CHRM3: variants seen among roughly 807,000 people sequenced by gnomAD.
CHRM3 encodes the protein cholinergic receptor muscarinic 3.
In CHRM3, 11 loss-of-function variants were observed where a neutral mutation model predicts 41.8. The ratio of observed to expected loss-of-function variants is 0.26; its 90% CI spans 0.17 to 0.44. CHRM3 has a LOEUF of 0.44. CHRM3 is among the 20% of genes least tolerant of loss of function. The probability of loss-of-function intolerance (pLI) is 1.00; values close to 1 mark genes in which losing one functional copy is unlikely to be tolerated. For missense variants in CHRM3, 571 were observed against 745.4 expected, an observed-to-expected ratio of 0.77 and a Z score of 2.72; for synonymous variants, 297 against 301.4, an observed-to-expected ratio of 0.99 and a Z score of 0.15.
At chr1:239,610,066 G>GACTCA (rs1666825224) in intron 3 of CHRM3, among the ~76,000 whole-genome samples, 1 of 151,528 alleles carries the variant, frequency 6.6e-6, no homozygotes. Context: ...GGTGGCGGGT[G>GACTCA]CCTGTAGTCC....
intron 6 of CHRM3, among the ~76,000 whole-genome samples, chr1:239,870,390 C>G (rs1393407340): frequency 6.6e-6 from 1 of 152,098 alleles, no homozygotes; most frequent in African/African-American, 2.4e-5. Context: ...CTGTGCAGGC[C>G]TTCAATTAAG....
chr1:239,483,122 G>A (rs1666969329), intron 1 of CHRM3, among the ~76,000 whole-genome samples: 1 of 152,170 alleles, frequency 6.6e-6, no homozygotes, highest in Admixed American at 6.5e-5. Flanking sequence ...GAGGACACTA[G>A]TTTAAAATAG....
intron 3 of CHRM3, among the ~76,000 whole-genome samples, chr1:239,615,266 C>T (rs541794867): frequency 2.6e-5 from 4 of 152,170 alleles, no homozygotes; most frequent in African/African-American, 4.8e-5. Flanking sequence ...GTGAGCATCT[C>T]TATTTTATAA....
rs1553337691 is a variant in CHRM3 at position 239,602,127 on chromosome 1, T to TATATAC, written c.-312-30092_-312-30091insCATATA. On this transcript the variant is annotated intron_variant, in intron 3 of 6. Transcript: ENST00000676153. Reference sequence around the variant, plus strand: ...GTGTGTGTGTATATATATATATATATATATATATATATAATTTTGTTTTTT... The same window carrying TATATAC: ...GTGTGTGTGTATATATATATATATATATATACATATATATATATAATTTTGTTTTTT... Among the ~76,000 whole-genome samples the TATATAC allele has an allele frequency of 1.1e-3, 141 of 132,634 alleles. 1 individual carries two copies. Among genetic ancestry groups the TATATAC allele is most frequent in the African/African-American group, 3.1e-3 (111 of 35,980 alleles). 87.0% of individuals were successfully genotyped at this position (132,634 alleles called of 152,430 possible).
At chr1:239,476,105 C>G (rs940954389) in intron 1 of CHRM3, among the ~76,000 whole-genome samples, 3 of 151,908 alleles carry the variant, frequency 2.0e-5, no homozygotes, top group African/African-American at 7.3e-5. Flanking sequence ...AATAAACTAT[C>G]AGTGGAAATT....
intron 1 of CHRM3, among the ~76,000 whole-genome samples, chr1:239,404,719 A>AAT (rs67746016): frequency 0.11 from 10,276 of 96,912 alleles, 622 homozygotes; most frequent in Non-Finnish European, 0.12. Flanking sequence ...GCTATATCTA[A>AAT]ATATATATAT....
chr1:239,426,481 AAAAAG>A (rs1170153539), intron 1 of CHRM3, among the ~76,000 whole-genome samples: 3 of 149,734 alleles, frequency 2.0e-5, no homozygotes, highest in African/African-American at 7.5e-5. Context: ...AAAAAAAAAA[AAAAAG>A]AAAGAAAAAA....
At chr1:239,618,793 G>A (rs12129260) in intron 3 of CHRM3, among the ~76,000 whole-genome samples, 30,553 of 138,878 alleles carry the variant, frequency 0.22, 4,898 homozygotes, top group African/African-American at 0.46. Flanking sequence ...GCAGTGAGCC[G>A]AGATCGCGCC....
At chr1:239,741,958 C>T (rs920669082) in intron 5 of CHRM3, among the ~76,000 whole-genome samples, 10 of 152,138 alleles carry the variant, frequency 6.6e-5, no homozygotes, top group African/African-American at 2.4e-4. Context: ...TCGTATAGTT[C>T]CAGCTTCTAC....
chr1:239,435,226 C>A (rs1040067002), intron 1 of CHRM3, among the ~76,000 whole-genome samples: 1 of 152,014 alleles, frequency 6.6e-6, no homozygotes, highest in Admixed American at 6.6e-5. Flanking sequence ...CCAAGGCGGG[C>A]GGATCACGAG....
At chr1:239,710,614 A>G (rs1191652716) in intron 5 of CHRM3, among the ~76,000 whole-genome samples, 1 of 152,194 alleles carries the variant, frequency 6.6e-6, no homozygotes, top group African/African-American at 2.4e-5. Context: ...AGAATCATTT[A>G]CTGACTATTA....
intron 1 of CHRM3, among the ~76,000 whole-genome samples, chr1:239,424,747 G>A (rs114647462): frequency 1.7e-3 from 256 of 152,290 alleles, no homozygotes; most frequent in African/African-American, 5.6e-3. Context: ...TGGCCTAAAA[G>A]AAGGCTGTGG....
chr1:239,526,494 G>A (rs562203174), intron 2 of CHRM3, among the ~76,000 whole-genome samples: 12 of 152,230 alleles, frequency 7.9e-5, no homozygotes, highest in Admixed American at 2.0e-4. Flanking sequence ...GAATACCAAT[G>A]CTGGCCTGGG....
intron 4 of CHRM3, among the ~76,000 whole-genome samples, chr1:239,634,809 T>A (rs1670280260): frequency 6.6e-6 from 1 of 151,954 alleles, no homozygotes; most frequent in Non-Finnish European, 1.5e-5. Flanking sequence ...AATGGAAAAA[T>A]CTTTTGGCTG....
At chr1:239,482,031 G>A (rs1053921614) in intron 1 of CHRM3, among the ~76,000 whole-genome samples, 1 of 152,060 alleles carries the variant, frequency 6.6e-6, no homozygotes, top group Non-Finnish European at 1.5e-5. Flanking sequence ...ATGTTTCGAA[G>A]ACAATTCTTT....
At position 239,581,273 on chromosome 1, in the gene CHRM3, C is replaced by T. The variant is rs115097671; in HGVS notation, c.-313+35524C>T. On this transcript the variant is annotated intron_variant, in intron 3 of 6. Transcript: ENST00000676153. ...TAGAAAAGTTATTTTCTTTAAACTT[C>T]TAAGTATCCCTATGTTTTAAAGAGA... Among the ~76,000 whole-genome samples the T allele has an allele frequency of 6.4e-3, 976 of 152,140 alleles. 10 individuals carry two copies. The highest frequency in any genetic ancestry group is 0.023 in the African/African-American group (942 of 41,512).
rs79603044 is a variant in CHRM3 at position 239,748,957 on chromosome 1, A to T, written c.-147+70669A>T. ...TGCAAATGGGTGCTGCGTGAGTATC[A>T]GTACTGAAATGCTCAGGAAAGACGG... On this transcript the variant is annotated intron_variant, in intron 5 of 6. Coordinates refer to ENST00000676153, the MANE Select transcript of CHRM3 (RefSeq NM_001375978.1). This position sits in a 1 kb window ranked among gnomAD's most constrained non-coding sequence, Gnocchi z 4.3. Among the ~76,000 whole-genome samples, 367 of 152,348 alleles carry T rather than the reference A, an allele frequency of 2.4e-3. 2 individuals are homozygous for T. The highest frequency in any genetic ancestry group is 8.6e-3 in the African/African-American group (357 of 41,584).
chr1:239,893,681 G>C (rs1678736952), intron 6 of CHRM3, among the ~76,000 whole-genome samples: 1 of 149,564 alleles, frequency 6.7e-6, no homozygotes, highest in Admixed American at 6.7e-5. Context: ...GAAAGGGTAG[G>C]GTCAAAATCT....
chr1:239,801,711 GT>G (rs1670229658), intron 5 of CHRM3, among the ~76,000 whole-genome samples: 1 of 152,122 alleles, frequency 6.6e-6, no homozygotes, highest in South Asian at 2.1e-4. Flanking sequence ...TAGTTAATGT[GT>G]TTCATTCCTT....
Sources: gnomAD v4.1 joint callset for allele counts (sites outside exome capture counted in the v4.1 genomes callset) on GRCh38, gnomAD v4.1.1 for gene constraint, Gnocchi (gnomAD v3.1) non-coding constraint, MANE v1.5 for transcripts, NCBI Gene and HGNC (gene_info 2026-07-23, HGNC 2026-07-21) for gene names.